The following IRAK2 variants were observed in gnomAD, a reference collection of about 807,000 sequenced individuals.
IRAK2 encodes the protein interleukin 1 receptor associated kinase 2.
IRAK2 carries 57 observed loss-of-function variants against 72.0 expected under a neutral mutation model. The ratio of observed to expected loss-of-function variants is 0.79; its 90% CI spans 0.64 to 0.99. The LOEUF is 0.99. Ranked by LOEUF, IRAK2 falls within the 50% of genes least tolerant of loss-of-function variation. IRAK2 has a pLI of 0.00. For missense variants in IRAK2, 790 were observed against 794.4 expected, an observed-to-expected ratio of 0.99 and a Z score of 0.07; for synonymous variants, 293 against 312.7, an observed-to-expected ratio of 0.94 and a Z score of 0.67.
At chr3:10,212,410 C>T (rs1379123606) in intron 4 of IRAK2, among the ~76,000 whole-genome samples, 1 of 151,900 alleles carries the variant, frequency 6.6e-6, no homozygotes, top group Non-Finnish European at 1.5e-5. Flanking sequence ...AATTGGACAC[C>T]CCTGGTTTGG....
At chr3:10,202,373 T>C (rs2543463) in intron 3 of IRAK2, among the ~76,000 whole-genome samples, 152,314 of 152,314 alleles carry the variant, frequency 1, 76,157 homozygotes, top group Non-Finnish European at 1. Flanking sequence ...CCTGTAATCC[T>C]AGCACTTTGG....
Position 10,238,738 on chromosome 3 carries a change from T to C in IRAK2, c.1474-10T>C, listed in dbSNP as rs369572994. 9 of 1,610,308 alleles carry C rather than the reference T, an allele frequency of 5.6e-6. No individual in the cohort carries two copies. The highest frequency in any genetic ancestry group is 1.3e-5 in the African/African-American group (1 of 74,668). On this transcript the variant is annotated splice_polypyrimidine_tract_variant and intron_variant, in intron 11 of 12. Coordinates refer to ENST00000256458, the MANE Select transcript of IRAK2 (RefSeq NM_001570.4). ...TCCTGATGAGCTCCCTTCTCTCTCT[T>C]CTCCCAAAGGTGTGTGGCTCTGTGG... is the stretch of plus-strand genomic sequence containing the variant.
Position 10,217,033 on chromosome 3 carries a change from C to T in IRAK2, c.888C>T (p.Asp296=). The change falls in exon 7 of 13, where the codon GAC becomes GAT. Residue 296 remains aspartate (D), a synonymous_variant. Transcript: ENST00000256458. Reference sequence around the variant, plus strand: ...ACATGGCAAATGGTTCCCTACAGGACAGACTGCAGGGTCAGGTAAGGGACT... The same window carrying T: ...ACATGGCAAATGGTTCCCTACAGGATAGACTGCAGGGTCAGGTAAGGGACT... ...YPYMANGSLQ[D]RLQGQGGSDP... 6.2e-7 allele frequency: 1 copy of T among 1,610,324 alleles called. No individual in the cohort carries two copies. Among genetic ancestry groups the T allele is most frequent in the South Asian group, 1.1e-5 (1 of 91,022 alleles).
intron 10 of IRAK2, among the ~76,000 whole-genome samples, chr3:10,232,870 C>G (rs1020545456): frequency 6.6e-6 from 1 of 151,962 alleles, no homozygotes; most frequent in African/African-American, 2.4e-5. Context: ...TCAAGACCAG[C>G]CTGGGCAACA....
rs1697919529 is a variant in IRAK2 at position 10,234,520 on chromosome 3, G to C, written c.1334G>C (p.Gly445Ala). 3.7e-6 allele frequency: 6 copies of C among 1,614,176 alleles called. No individual in the cohort carries two copies. The East Asian group carries it at 1.3e-4, about 36-fold the overall frequency. ...STASLCSRKTGVENVMAKEIC... is the reference protein window; with the variant it reads ...STASLCSRKTAVENVMAKEIC... ...GCCTCGCTCTGCTCCAGGAAGACGG[G>C]CGTGGAGAACGTGATGGCAAAGGAG... Residue 445 changes from glycine to alanine, a missense_variant, in exon 11 of 13, where the codon GGC becomes GCC. By Grantham distance (60) the Gly-to-Ala change is moderately conservative. Coordinates refer to ENST00000256458, the MANE Select transcript of IRAK2 (RefSeq NM_001570.4).
intron 6 of IRAK2, among the ~76,000 whole-genome samples, chr3:10,215,416 T>TAAAAAA (rs1559449326): frequency 7.5e-5 from 10 of 134,182 alleles, no homozygotes; most frequent in Non-Finnish European, 1.6e-4. Context: ...AAAAAAAAAT[T>TAAAAAA]AATTAATTAA....
intron 12 of IRAK2, 65 bp from the exon 13 acceptor site, chr3:10,242,051 T>C: frequency 1.1e-6 from 1 of 931,278 alleles, no homozygotes; most frequent in Non-Finnish European, 1.7e-6. Flanking sequence ...TTAAGTGACT[T>C]TAAGAATTAT....
intron 6 of IRAK2, among the ~76,000 whole-genome samples, chr3:10,216,512 T>G (rs971377001): frequency 2.9e-4 from 44 of 151,676 alleles, no homozygotes; most frequent in African/African-American, 9.9e-4. Flanking sequence ...GAAAGAGTGG[T>G]CAGAGAGGTA....
chr3:10,197,187 G>A (rs184593339), intron 2 of IRAK2, among the ~76,000 whole-genome samples: 1 of 151,698 alleles, frequency 6.6e-6, no homozygotes, highest in East Asian at 1.9e-4. Flanking sequence ...AGACCAGCCT[G>A]GCCAACATGG....
At chr3:10,180,577 C>G (rs1187097282) in intron 2 of IRAK2, among the ~76,000 whole-genome samples, 1 of 152,106 alleles carries the variant, frequency 6.6e-6, no homozygotes, top group Admixed American at 6.6e-5. Context: ...GAGCCCCAGA[C>G]ACCTGGGGAG....
At chr3:10,241,136 G>A (rs994171663) in intron 12 of IRAK2, among the ~76,000 whole-genome samples, 17 of 151,766 alleles carry the variant, frequency 1.1e-4, no homozygotes, top group Non-Finnish European at 4.4e-5. Flanking sequence ...ACAGCTGGGT[G>A]CAGTGGCTCA....
intron 4 of IRAK2, among the ~76,000 whole-genome samples, chr3:10,211,936 C>T (rs767711039): frequency 1.3e-5 from 2 of 151,812 alleles, no homozygotes; most frequent in Non-Finnish European, 2.9e-5. Flanking sequence ...AAAAATTAGC[C>T]GGACAGGGTG....
intron 1 of IRAK2, among the ~76,000 whole-genome samples, chr3:10,168,715 C>T (rs912805575): frequency 6.6e-6 from 1 of 152,200 alleles, no homozygotes; most frequent in African/African-American, 2.4e-5. Context: ...GGCATGTTGA[C>T]TCTGACACAT....
At chr3:10,232,892 C>G (rs1697880605) in intron 10 of IRAK2, among the ~76,000 whole-genome samples, 1 of 151,988 alleles carries the variant, frequency 6.6e-6, no homozygotes, top group Non-Finnish European at 1.5e-5. Flanking sequence ...AATGAGACTC[C>G]ATCTCTACAA....
chr3:10,208,851 C>T (rs1697473147), intron 3 of IRAK2, among the ~76,000 whole-genome samples: 1 of 152,068 alleles, frequency 6.6e-6, no homozygotes, highest in East Asian at 1.9e-4. Context: ...TGAAGCAATC[C>T]TCCTGCCTCA....
intron 2 of IRAK2, among the ~76,000 whole-genome samples, chr3:10,190,432 C>T (rs537123310): frequency 2.0e-5 from 3 of 151,534 alleles, no homozygotes; most frequent in Non-Finnish European, 4.4e-5. Flanking sequence ...TGGCGCCCAC[C>T]ACCACGCCCA....
chr3:10,231,879 C>T (rs1177616), intron 10 of IRAK2, among the ~76,000 whole-genome samples: 2 of 152,090 alleles, frequency 1.3e-5, no homozygotes, highest in Non-Finnish European at 2.9e-5. Flanking sequence ...GTAATCCCAG[C>T]ACTTTGGGAG....
chr3:10,186,565 A>C (rs1156416212), intron 2 of IRAK2, among the ~76,000 whole-genome samples: 3 of 151,480 alleles, frequency 2.0e-5, no homozygotes, highest in Admixed American at 2.0e-4. Flanking sequence ...CAGGACTCTT[A>C]ATTTGACTTT....
chr3:10,166,430 C>G (rs1034709755), intron 1 of IRAK2, among the ~76,000 whole-genome samples: 1 of 152,210 alleles, frequency 6.6e-6, no homozygotes, highest in African/African-American at 2.4e-5. Flanking sequence ...TGCCTGTTGT[C>G]TCTGCTTTCC....
Sources: gnomAD v4.1 joint callset for allele counts (sites outside exome capture counted in the v4.1 genomes callset) on GRCh38, gnomAD v4.1.1 for gene constraint, MANE v1.5 for transcripts, NCBI Gene and HGNC (gene_info 2026-07-23, HGNC 2026-07-21) for gene names.